The following MORN1 variants were observed in gnomAD, a reference collection of about 807,000 sequenced individuals.
MORN1 encodes MORN repeat containing 1.
In MORN1, 67 loss-of-function variants were observed where a neutral mutation model predicts 61.9. The observed-to-expected ratio is 1.08, with a 90% confidence interval of 0.89 to 1.33. MORN1 has a LOEUF of 1.33. Among genes scored for constraint, MORN1 ranks in the 40% most tolerant of loss-of-function variants. The probability of loss-of-function intolerance (pLI) is 0.00; values close to 1 mark genes in which losing one functional copy is unlikely to be tolerated. For synonymous variants in MORN1, 301 were observed against 292.0 expected, an observed-to-expected ratio of 1.03 and a Z score of -0.31; for missense variants, 752 against 691.2, an observed-to-expected ratio of 1.09 and a Z score of -0.99.
chr1:2,365,631 G>C (rs1641981938), intron 8 of MORN1, among the ~76,000 whole-genome samples: 1 of 151,094 alleles, frequency 6.6e-6, no homozygotes, highest in Admixed American at 6.6e-5. Flanking sequence ...TCCCTGTCTT[G>C]TGCCAGTTTT....
intron 10 of MORN1, among the ~76,000 whole-genome samples, chr1:2,339,181 G>A (rs896403751): frequency 6.6e-6 from 1 of 152,144 alleles, no homozygotes; most frequent in African/African-American, 2.4e-5. Flanking sequence ...GGGGAGGGTC[G>A]TCCCCAGCCT....
rs570435873 is a variant in MORN1 at position 2,348,888 on chromosome 1, C to T, written c.1036+8544G>A. 1.3e-3 allele frequency among the ~76,000 whole-genome samples: 196 copies of T among 152,308 alleles called. 1 individual carries two copies. The highest frequency in any genetic ancestry group is 4.3e-3 in the African/African-American group (178 of 41,568). On this transcript the variant is annotated intron_variant, in intron 10 of 13. Coordinates refer to ENST00000378531, the MANE Select transcript of MORN1 (RefSeq NM_024848.3). ...GTGCACGCACACACAGCCATGTGTA[C>T]GCAGACATGCACACAAACGCACAGG...
At chr1:2,377,267 G>C (rs1258045874) in intron 6 of MORN1, 1 of 152,418 alleles carries the variant, frequency 6.6e-6, no homozygotes, top group Non-Finnish European at 1.5e-5. Flanking sequence ...GCAAACAGCG[G>C]TTCCAAAGTC....
intron 10 of MORN1, among the ~76,000 whole-genome samples, chr1:2,341,266 A>G (rs1269488796): frequency 1.3e-5 from 2 of 152,154 alleles, no homozygotes; most frequent in African/African-American, 4.8e-5. Flanking sequence ...TGACCGTGCG[A>G]TGGCCAGGTG....
intron 8 of MORN1, among the ~76,000 whole-genome samples, chr1:2,366,312 C>T (rs12028733): frequency 0.15 from 20,637 of 133,544 alleles, 2,008 homozygotes; most frequent in Admixed American, 0.32. Context: ...GAACATCACA[C>T]TCTGGGGACT....
At chr1:2,358,863 C>T (rs1329507847) in intron 8 of MORN1, 148 bp from the exon 9 acceptor site, 10 of 934,920 alleles carry the variant, frequency 1.1e-5, no homozygotes, top group South Asian at 3.3e-5. Flanking sequence ...CTGAGGACCC[C>T]GGCTTGCCCT....
intron 12 of MORN1, among the ~76,000 whole-genome samples, chr1:2,329,496 C>A (rs1641102599): frequency 6.6e-6 from 1 of 152,204 alleles, no homozygotes; most frequent in Non-Finnish European, 1.5e-5. Context: ...CCCTGGGGGC[C>A]CAGCCCCCCG....
At chr1:2,329,880 C>G (rs1641111093) in intron 12 of MORN1, among the ~76,000 whole-genome samples, 1 of 152,244 alleles carries the variant, frequency 6.6e-6, no homozygotes, top group African/African-American at 2.4e-5. Flanking sequence ...GCAGGCCAGG[C>G]TCAGGCCAAG....
chr1:2,367,663 G>A (rs2100327646), intron 8 of MORN1, among the ~76,000 whole-genome samples: 1 of 151,952 alleles, frequency 6.6e-6, no homozygotes, highest in African/African-American at 2.4e-5. Context: ...TTTTGAGATG[G>A]AGTCTTGCTC....
chr1:2,324,002 C>G lies in MORN1; in HGVS notation c.1297+95G>C, dbSNP rs890887921. The G allele has an allele frequency of 3.4e-6, 5 of 1,477,950 alleles. No homozygotes were observed. The African/African-American group carries it at 5.6e-5, about 17-fold the overall frequency. The allele number at this position is 1,477,950 out of a possible 1,614,324, so 91.6% of individuals were successfully genotyped here. A position where few individuals can be genotyped will look rare whatever the true frequency, so the allele number is the denominator to read the frequency against. On this transcript the variant is annotated intron_variant, in intron 13 of 13. Coordinates refer to ENST00000378531, the MANE Select transcript of MORN1 (RefSeq NM_024848.3). ...CCACCTACCTCTGGGGGCCCCGGGC[C>G]GAGTTCCCCCAACCCCACCTCCAGC... is the stretch of plus-strand genomic sequence containing the variant.
In MORN1 at chr1:2,372,489, A is replaced by G. The variant is rs1295776726; in HGVS notation, c.737T>C (p.Ile246Thr). 1.2e-6 allele frequency: 2 copies of G among 1,612,804 alleles called. No homozygotes were observed. The highest frequency in any genetic ancestry group is 1.7e-5 in the Admixed American group (1 of 59,702). Residue 246 changes from isoleucine (I) to threonine (T), a missense_variant, in exon 8 of 14, where the codon ATT becomes ACT. Ile to Thr is a moderately conservative substitution (Grantham distance 89, BLOSUM62 -1). Coordinates refer to ENST00000378531, the MANE Select transcript of MORN1 (RefSeq NM_024848.3). The surrounding 1 kb of genome is among the most constrained non-coding windows in gnomAD (Gnocchi z 5.4). ...CCCCTGGAGATGCTTACTCTTGGCA[A>G]TTTCCCCGTGGTCCTGCAGCAGCTG... ...NVQLLQDHGE[I>T]AKSESGRVLQ...
At chr1:2,352,300 T>C (rs1429098708) in intron 10 of MORN1, 1 of 169,624 alleles carries the variant, frequency 5.9e-6, no homozygotes, top group Admixed American at 6.4e-5. Context: ...TCCAGGACCA[T>C]GAGGTGGTGC....
intron 10 of MORN1, among the ~76,000 whole-genome samples, chr1:2,340,660 G>A (rs540674508): frequency 7.9e-5 from 12 of 152,322 alleles, no homozygotes; most frequent in Middle Eastern, 3.4e-3. Flanking sequence ...GTCACTCACC[G>A]GCTCCACGTG....
At chr1:2,350,511 AC>A (rs1641621043) in intron 10 of MORN1, 1 of 152,164 alleles carries the variant, frequency 6.6e-6, no homozygotes, top group East Asian at 1.9e-4. Flanking sequence ...GATGCCTGGG[AC>A]CCCAAGTCCA....
chr1:2,339,050 A>G (rs530702029), intron 10 of MORN1, among the ~76,000 whole-genome samples: 1 of 152,274 alleles, frequency 6.6e-6, no homozygotes, highest in South Asian at 2.1e-4. Context: ...GGTCCCCTGG[A>G]GGTGCAGGCA....
intron 12 of MORN1, among the ~76,000 whole-genome samples, chr1:2,327,039 C>T (rs183146222): frequency 4.9e-4 from 75 of 152,054 alleles, no homozygotes; most frequent in African/African-American, 1.6e-3. Flanking sequence ...GAAACGAAGA[C>T]AGAAACACAG....
chr1:2,332,261 T>C (rs1641174369), intron 12 of MORN1: 1 of 232,360 alleles, frequency 4.3e-6, no homozygotes, highest in Admixed American at 5.3e-5. Context: ...GCTCCTGTTG[T>C]GCAGCTGCAC....
chr1:2,359,602 G>A (rs1641849717), intron 8 of MORN1, among the ~76,000 whole-genome samples: 2 of 152,138 alleles, frequency 1.3e-5, no homozygotes, highest in Admixed American at 6.5e-5. Context: ...GAGGAAGGAG[G>A]CCAGATGTGG....
chr1:2,339,363 G>A (rs1472054765), intron 10 of MORN1, among the ~76,000 whole-genome samples: 1 of 152,208 alleles, frequency 6.6e-6, no homozygotes, highest in Non-Finnish European at 1.5e-5. Flanking sequence ...GACCATGAGA[G>A]ACAGCGGTCC....
Sources: allele counts gnomAD v4.1 joint callset (sites outside exome capture counted in the v4.1 genomes callset), GRCh38; gene constraint gnomAD v4.1.1; non-coding constraint Gnocchi (gnomAD v3.1); transcripts MANE v1.5; gene names NCBI Gene and HGNC (gene_info 2026-07-23, HGNC 2026-07-21).